Variants in ADCY1 observed in about 807,000 individuals in gnomAD.
ADCY1 encodes the protein adenylate cyclase 1.
ADCY1 carries 28 observed loss-of-function variants against 105.4 expected under a neutral mutation model. The observed-to-expected ratio is 0.27, with a 90% CI of 0.20 to 0.36. The LOEUF is 0.36. Ranked by LOEUF, ADCY1 falls within the 10% of genes least tolerant of loss-of-function variation. The pLI, the probability that ADCY1 is intolerant of heterozygous loss-of-function variation, is 1.00. For missense variants in ADCY1, 977 were observed against 1,434.2 expected (o/e 0.68, Z 5.15); for synonymous variants, 655 against 623.8 (o/e 1.05, Z -0.75).
intron 1 of ADCY1, among the ~76,000 whole-genome samples, chr7:45,578,765 G>GAGGAAGACCTGGC (rs1792428010): frequency 6.6e-6 from 1 of 152,220 alleles, no homozygotes; most frequent in African/African-American, 2.4e-5. Flanking sequence ...ATGTGTGCAA[G>GAGGAAGACCTGGC]AGGAAGACCT....
In ADCY1 at chr7:45,671,016, G is replaced by C. The variant is rs987914877; in HGVS notation, c.1606-6853G>C. On this transcript the variant is annotated intron_variant, in intron 8 of 19. Transcript: ENST00000297323. Reference sequence around the variant, plus strand: ...AGGGAACTCAAGTCAAGGTCTGCTTGTTTGGGGTTGTAGCCTGAATTGGCA... The same window carrying C: ...AGGGAACTCAAGTCAAGGTCTGCTTCTTTGGGGTTGTAGCCTGAATTGGCA... 2.0e-5 allele frequency among the ~76,000 whole-genome samples: 3 copies of C among 152,368 alleles called. No individual in the cohort carries two copies. The East Asian group carries it at 5.8e-4, about 29-fold the overall frequency.
chr7:45,592,713 G>A, intron 1 of ADCY1, 46 bp from the exon 2 acceptor site: 4 of 1,612,354 alleles, frequency 2.5e-6, no homozygotes, highest in East Asian at 2.2e-5. Flanking sequence ...CTCTTTGTGT[G>A]TGTGGGATGT....
At chr7:45,694,382 A>G (rs565317837) in intron 14 of ADCY1, among the ~76,000 whole-genome samples, 2 of 152,328 alleles carry the variant, frequency 1.3e-5, no homozygotes, top group South Asian at 2.1e-4. Flanking sequence ...TTTTGGTTCA[A>G]AGAAATCAAA....
At chr7:45,579,365 C>T (rs1792451886) in intron 1 of ADCY1, among the ~76,000 whole-genome samples, 1 of 152,140 alleles carries the variant, frequency 6.6e-6, no homozygotes, top group Non-Finnish European at 1.5e-5. Context: ...GCTGGCCCCT[C>T]CTCTGGCTGG....
chr7:45,705,856 G>T (rs1024250010), intron 17 of ADCY1, among the ~76,000 whole-genome samples: 1 of 152,142 alleles, frequency 6.6e-6, no homozygotes, highest in Non-Finnish European at 1.5e-5. Flanking sequence ...ATTATAGTAA[G>T]GTTCCAGGAT....
In ADCY1 at chr7:45,713,729, C is replaced by T; in HGVS notation, c.3094C>T (p.Pro1032Ser). The change falls in exon 20 of 20, where the codon CCC becomes TCC. Residue 1032 changes from proline to serine, a missense_variant. Pro to Ser is a moderately conservative substitution (Grantham distance 74). Around this residue, in one of 7 missense-constraint regions of ADCY1, gnomAD observed 78 missense variants for 60.0 expected, o/e 1.30. Coordinates refer to ENST00000297323, the MANE Select transcript of ADCY1 (RefSeq NM_021116.4). ...EEVHRLLRRCPYHFVCRGKVS... is the reference protein window; with the variant it reads ...EEVHRLLRRCSYHFVCRGKVS... Reference sequence around the variant, plus strand: ...AGTCCACCGGCTGCTGAGAAGGTGCCCCTACCACTTTGTGTGCCGAGGCAA... The same window carrying T: ...AGTCCACCGGCTGCTGAGAAGGTGCTCCTACCACTTTGTGTGCCGAGGCAA... 1.3e-6 allele frequency: 1 copy of T among 780,698 alleles called. No individual in the cohort carries two copies. The highest frequency in any genetic ancestry group is 2.4e-6 in the Non-Finnish European group (1 of 418,120). The allele number at this position is 780,698 out of a possible 1,614,324, so 48.4% of individuals were successfully genotyped here.
chr7:45,590,192 T>C (rs550104700), intron 1 of ADCY1, among the ~76,000 whole-genome samples: 352 of 152,298 alleles, frequency 2.3e-3, no homozygotes, highest in Non-Finnish European at 4.2e-3. Flanking sequence ...TCTTGACAAC[T>C]GACCCGCCAG....
chr7:45,652,678 C>A (rs989426626), intron 5 of ADCY1, among the ~76,000 whole-genome samples: 1 of 152,182 alleles, frequency 6.6e-6, no homozygotes, highest in Admixed American at 6.5e-5. Flanking sequence ...GTCTAGGACC[C>A]GTTTTGTCAA....
intron 8 of ADCY1, among the ~76,000 whole-genome samples, chr7:45,670,416 G>C (rs759061139): frequency 1.2e-4 from 18 of 152,196 alleles, no homozygotes; most frequent in Non-Finnish European, 1.6e-4. Flanking sequence ...GTGGTGACAG[G>C]GTTTGGAGGT....
chr7:45,713,437 G>A (rs139953429), intron 19 of ADCY1, among the ~76,000 whole-genome samples: 1 of 152,236 alleles, frequency 6.6e-6, no homozygotes, highest in Non-Finnish European at 1.5e-5. Flanking sequence ...GACTCCCCTG[G>A]GGCTGGCCCC....
chr7:45,593,224 G>A (rs1004413244), intron 2 of ADCY1, among the ~76,000 whole-genome samples: 2 of 152,206 alleles, frequency 1.3e-5, no homozygotes, highest in Non-Finnish European at 2.9e-5. Context: ...TCCTGGCTGG[G>A]CCTCGGATGA....
intron 4 of ADCY1, among the ~76,000 whole-genome samples, chr7:45,646,745 C>T (rs1270236344): frequency 6.6e-6 from 1 of 152,222 alleles, no homozygotes; most frequent in Non-Finnish European, 1.5e-5. Context: ...GGTGGGAAGG[C>T]CCCCTTCTGC....
chr7:45,585,238 A>G (rs769647975), intron 1 of ADCY1, among the ~76,000 whole-genome samples: 7 of 152,204 alleles, frequency 4.6e-5, no homozygotes, highest in Non-Finnish European at 8.8e-5. Context: ...CTCAAACCCT[A>G]CCTGCCCTGC....
At chr7:45,581,552 C>A (rs868249244) in intron 1 of ADCY1, among the ~76,000 whole-genome samples, 1 of 152,142 alleles carries the variant, frequency 6.6e-6, no homozygotes, top group African/African-American at 2.4e-5. Flanking sequence ...GCCAGGCTGA[C>A]CCCTTTTCAG....
chr7:45,697,386 CTTTTTT>C (rs34522967), intron 14 of ADCY1, among the ~76,000 whole-genome samples: 2 of 108,264 alleles, frequency 1.8e-5, no homozygotes, highest in African/African-American at 3.5e-5. Context: ...CTCTCTTTAC[CTTTTTT>C]TTTTTTTTTT....
rs1785502844 is a variant in ADCY1 at position 45,722,849 on chromosome 7, ACTTCT to A, written c.*8856_*8860del. 6.6e-6 allele frequency: 1 copy of A among 152,646 alleles called. No individual in the cohort carries two copies. Among genetic ancestry groups the A allele is most frequent in the Non-Finnish European group, 1.5e-5 (1 of 68,040 alleles). 9.5% of individuals were successfully genotyped at this position (152,646 alleles called of 1,614,324 possible). ...TACAATAACTCACTCTCACTGGGTA[ACTTCT>A]CATGATAGATTTGTATGATCAATAC... On this transcript the variant is annotated 3_prime_UTR_variant, in exon 20 of 20. Transcript: ENST00000297323.
rs889719700 is a variant in ADCY1 at position 45,686,552 on chromosome 7, G to C, written c.2333G>C (p.Gly778Ala). 1 of 1,610,596 alleles carries C rather than the reference G, an allele frequency of 6.2e-7. No homozygotes were observed. Among genetic ancestry groups the C allele is most frequent in the South Asian group, 1.1e-5 (1 of 90,672 alleles). ...TCTTCCTCATCTTCCCCCAGGGGTG[G>C]TGCCGTCTCCGGGCGCAGCTACGAG... ...ELSGYTRTGGGAVSGRSYEPI... is the reference protein window; with the variant it reads ...ELSGYTRTGGAAVSGRSYEPI... Residue 778 changes from glycine to alanine, a missense_variant, in exon 14 of 20, where the codon GGT becomes GCT. Transcript: ENST00000297323. This position sits in a 1 kb window ranked among gnomAD's most constrained non-coding sequence, Gnocchi z 4.3.
chr7:45,708,317 C>A lies in ADCY1; in HGVS notation c.2818-33C>A. ...CTGGCCCCCTCTTGCCTTGCACTCC[C>A]CAGATGTAATGACCCCATCTGTTTA... On this transcript the variant is annotated intron_variant, in intron 17 of 19. Transcript: ENST00000297323. The surrounding 1 kb of genome is among the most constrained non-coding windows in gnomAD (Gnocchi z 4.7). 1 of 1,533,154 alleles carries A rather than the reference C, an allele frequency of 6.5e-7. No individual in the cohort carries two copies. Among genetic ancestry groups the A allele is most frequent in the South Asian group, 1.1e-5 (1 of 88,830 alleles). 95.0% of individuals were successfully genotyped at this position (1,533,154 alleles called of 1,614,324 possible).
intron 5 of ADCY1, among the ~76,000 whole-genome samples, chr7:45,655,753 C>T (rs1241117714): frequency 3.9e-5 from 6 of 152,080 alleles, no homozygotes; most frequent in Middle Eastern, 3.4e-3. Context: ...TTGGTGAGCT[C>T]GAGGGGATCT....
Sources: gnomAD v4.1 joint callset for allele counts (sites outside exome capture counted in the v4.1 genomes callset) on GRCh38, gnomAD v4.1.1 for gene constraint, gnomAD v4.1.1 regional missense constraint, Gnocchi (gnomAD v3.1) non-coding constraint, MANE v1.5 for transcripts, NCBI Gene and HGNC (gene_info 2026-07-23, HGNC 2026-07-21) for gene names.